Variants in KCNMA1 observed in about 807,000 individuals in gnomAD.
KCNMA1 encodes potassium calcium-activated channel subfamily M alpha 1.
A neutral mutation model predicts 140.0 loss-of-function variants in KCNMA1; 29 were observed. The observed-to-expected ratio is 0.21, with a 90% CI of 0.15 to 0.28. The LOEUF (loss-of-function observed/expected upper bound fraction) is 0.28, where lower values mean the gene tolerates loss of function less well. Ranked by LOEUF, KCNMA1 falls within the 10% of genes least tolerant of loss-of-function variation. The pLI is 1.00. For synonymous variants in KCNMA1, 612 were observed against 611.9 expected, an observed-to-expected ratio of 1.00 and a Z score of 0.00; for missense variants, 880 against 1,602.2, an observed-to-expected ratio of 0.55 and a Z score of 7.70.
At chr10:77,636,956 C>T (rs2093812710) in intron 1 of KCNMA1, 1 of 1,415,864 alleles carries the variant, frequency 7.1e-7, no homozygotes, top group Non-Finnish European at 9.1e-7. Flanking sequence ...CACCACGGCA[C>T]CCGAGCCTGT....
intron 1 of KCNMA1, among the ~76,000 whole-genome samples, chr10:77,407,014 T>C (rs2096491523): frequency 6.6e-6 from 1 of 152,200 alleles, no homozygotes; most frequent in East Asian, 1.9e-4. Context: ...AAGAGGTATG[T>C]GGCAGATAAT....
intron 15 of KCNMA1, among the ~76,000 whole-genome samples, chr10:77,038,964 G>A (rs2094496857): frequency 6.6e-6 from 1 of 152,224 alleles, no homozygotes; most frequent in Non-Finnish European, 1.5e-5. Context: ...TGCTGAGCCA[G>A]TGGAAAGAGA....
intron 14 of KCNMA1, among the ~76,000 whole-genome samples, chr10:77,040,513 T>A (rs1292884261): frequency 6.6e-6 from 1 of 152,208 alleles, no homozygotes; most frequent in African/African-American, 2.4e-5. Context: ...AAAAGGCACA[T>A]TATAAAATAG....
In KCNMA1 at chr10:77,027,854, T is replaced by G. The variant is rs747232309; in HGVS notation, c.1897A>C (p.Ile633Leu). The G allele has an allele frequency of 2.5e-6, 4 of 1,613,964 alleles. No individual in the cohort carries two copies. Among genetic ancestry groups the G allele is most frequent in the Non-Finnish European group, 3.4e-6 (4 of 1,179,906 alleles). The change falls in exon 16 of 28, where the codon ATT becomes CTT. Residue 633 changes from isoleucine (I) to leucine (L), a missense_variant. Ile to Leu is a conservative substitution (Grantham distance 5). Coordinates refer to ENST00000286628, the MANE Select transcript of KCNMA1 (RefSeq NM_001161352.2). ...FVKLKLLMIAIEYKSANRESR... is the reference protein window; with the variant it reads ...FVKLKLLMIALEYKSANRESR... ...TCTCGGTTGGCAGACTTGTACTCAA[T>G]GGCTATCATTAGGAGCTTGAGCTTC... is the stretch of plus-strand genomic sequence containing the variant.
In KCNMA1 at chr10:77,445,167, GA is replaced by G. The variant is rs1305302192; in HGVS notation, c.379-41145del. 4.6e-5 allele frequency among the ~76,000 whole-genome samples: 7 copies of G among 152,126 alleles called. No homozygotes were observed. In the East Asian group the frequency reaches 1.2e-3, roughly 25 times the overall value. On this transcript the variant is annotated intron_variant, in intron 1 of 27. Transcript: ENST00000286628. ...TCAGAAAAACCCAGGGAAGCCACAG[GA>G]AAAAAATGGGGCTAGGATCCCCACT...
rs184396760 is a variant in KCNMA1 at position 76,915,473 on chromosome 10, C to T, written c.2903-424G>A. On this transcript the variant is annotated intron_variant, in intron 23 of 27. Transcript: ENST00000286628. The stretch of plus-strand genomic sequence containing the variant: ...GTATTGGACAGCCATCTCTCTCTTC[C>T]CAGGCCATGGCAACTGTGAGAATAC... 3.6e-3 allele frequency among the ~76,000 whole-genome samples: 550 copies of T among 152,232 alleles called. 5 individuals are homozygous for T. Among genetic ancestry groups the T allele is most frequent in the African/African-American group, 0.012 (508 of 41,544 alleles).
chr10:77,297,623 G>T (rs566683626), intron 2 of KCNMA1, among the ~76,000 whole-genome samples: 2 of 152,250 alleles, frequency 1.3e-5, no homozygotes, highest in South Asian at 2.1e-4. Context: ...TGGTGGCAAG[G>T]CTTGTAAAGC....
At position 77,238,561 on chromosome 10, in the gene KCNMA1, C is replaced by A. The variant is rs553199; in HGVS notation, c.602+12634G>T. ...CCCTCCCAGAGTTTCCTTAGCATCACCTGTCATTGTTGAGATTTTGAATGC... is the reference window on the plus strand; with the variant it reads ...CCCTCCCAGAGTTTCCTTAGCATCAACTGTCATTGTTGAGATTTTGAATGC... On this transcript the variant is annotated intron_variant, in intron 3 of 27. Coordinates refer to ENST00000286628, the MANE Select transcript of KCNMA1 (RefSeq NM_001161352.2). Among the ~76,000 whole-genome samples the A allele has an allele frequency of 0.39, 59,877 of 152,042 alleles. 12,962 individuals carry two copies. Among genetic ancestry groups the A allele is most frequent in the East Asian group, 0.78 (4,006 of 5,166 alleles).
intron 15 of KCNMA1, among the ~76,000 whole-genome samples, chr10:77,034,113 A>T (rs146800915): frequency 1.3e-3 from 196 of 152,068 alleles, no homozygotes; most frequent in African/African-American, 4.6e-3. Flanking sequence ...TTGTGGTGGC[A>T]CACGTCTCTA....
chr10:76,879,882 C>T (rs942610955), downstream of KCNMA1, among the ~76,000 whole-genome samples: 12 of 152,232 alleles, frequency 7.9e-5, no homozygotes, highest in Admixed American at 2.0e-4. Flanking sequence ...TTTGCCAGGC[C>T]GCTGAAACAA....
intron 2 of KCNMA1, among the ~76,000 whole-genome samples, chr10:77,262,404 G>A (rs975365382): frequency 2.0e-5 from 3 of 152,172 alleles, no homozygotes; most frequent in Non-Finnish European, 4.4e-5. Context: ...CCTTGGAAGT[G>A]GGAGAGAGGG....
chr10:77,582,936 C>A (rs185433974), intron 1 of KCNMA1, among the ~76,000 whole-genome samples: 4 of 152,376 alleles, frequency 2.6e-5, no homozygotes, highest in African/African-American at 4.8e-5. Flanking sequence ...TGACAGGCCA[C>A]CAGCCCCATC....
intron 9 of KCNMA1, chr10:77,090,878 A>C (rs1443863517): frequency 3.2e-6 from 1 of 314,254 alleles, no homozygotes; most frequent in Admixed American, 4.3e-5. Context: ...CTGCCCACAA[A>C]GCGTCCTCCG....
At chr10:77,162,233 T>C (rs2154080361) in intron 5 of KCNMA1, among the ~76,000 whole-genome samples, 1 of 152,342 alleles carries the variant, frequency 6.6e-6, no homozygotes, top group African/African-American at 2.4e-5. Context: ...CAGATAATGC[T>C]GTGGACCAAA....
At chr10:77,543,724 C>T (rs1037272562) in intron 1 of KCNMA1, among the ~76,000 whole-genome samples, 3 of 152,020 alleles carry the variant, frequency 2.0e-5, no homozygotes, top group East Asian at 1.9e-4. Context: ...TGAATTCCTA[C>T]GTAGGGGACA....
chr10:77,193,956 C>T (rs1364947798), intron 3 of KCNMA1, among the ~76,000 whole-genome samples: 1 of 152,140 alleles, frequency 6.6e-6, no homozygotes, highest in Non-Finnish European at 1.5e-5. Context: ...ATTCTGCTTC[C>T]TATGCCTTTT....
In KCNMA1 at chr10:77,418,293, C is replaced by T. The variant is rs565214863; in HGVS notation, c.379-14270G>A. 2.6e-5 allele frequency among the ~76,000 whole-genome samples: 4 copies of T among 152,256 alleles called. No individual in the cohort carries two copies. In the South Asian group the frequency reaches 8.3e-4, roughly 32 times the overall value. ...AACTCTCTACTTGGCTCCGCTAGAC[C>T]CATCAATCTTCTCTCCATGGCCTGG... On this transcript the variant is annotated intron_variant, in intron 1 of 27. Transcript: ENST00000286628.
Position 77,637,664 on chromosome 10 carries a change from G to C in KCNMA1, c.-22C>G, listed in dbSNP as rs2093909624. 6.7e-7 allele frequency: 1 copy of C among 1,489,006 alleles called. No homozygotes were observed. Among genetic ancestry groups the C allele is most frequent in the Non-Finnish European group, 8.9e-7 (1 of 1,126,870 alleles). The allele number at this position is 1,489,006 out of a possible 1,614,324, so 92.2% of individuals were successfully genotyped here. On this transcript the variant is annotated 5_prime_UTR_variant, in exon 1 of 28. Transcript: ENST00000286628. ...CCATAGCTAGCAACGGGCAGCCGGC[G>C]CAGGGGCTCGGGGGAGCTCCTCCCG... is the stretch of plus-strand genomic sequence containing the variant.
intron 2 of KCNMA1, among the ~76,000 whole-genome samples, chr10:77,252,151 C>T (rs548128180): frequency 5.5e-4 from 84 of 152,274 alleles, no homozygotes; most frequent in African/African-American, 2.0e-3. Flanking sequence ...TCAGTGGATA[C>T]CTGTCATGCT....
Sources: gnomAD v4.1 joint callset for allele counts (sites outside exome capture counted in the v4.1 genomes callset) on GRCh38, gnomAD v4.1.1 for gene constraint, MANE v1.5 for transcripts, NCBI Gene and HGNC (gene_info 2026-07-23, HGNC 2026-07-21) for gene names.